The following GRM3 variants were observed in gnomAD, a reference collection of about 807,000 sequenced individuals.
The protein encoded by GRM3 is metabotropic glutamate receptor 3.
GRM3 carries 26 observed loss-of-function variants against 70.5 expected under a neutral mutation model. That is an observed-to-expected ratio of 0.37 (90% CI 0.27 to 0.51). GRM3 has a LOEUF of 0.51. Among genes scored for constraint, GRM3 ranks in the 20% least tolerant of loss-of-function variants. The pLI, the probability that GRM3 is intolerant of heterozygous loss-of-function variation, is 0.93. For missense variants in GRM3, 859 were observed against 1,123.8 expected (o/e 0.76, Z 3.37); for synonymous variants, 443 against 434.9 (o/e 1.02, Z -0.23).
chr7:86,787,144 T>C (rs577974174), intron 3 of GRM3, 28 bp downstream of exon 3: 2 of 1,554,494 alleles, frequency 1.3e-6, no homozygotes, highest in South Asian at 1.1e-5. Flanking sequence ...AAACATCTTC[T>C]CAGATGCAAA....
chr7:86,694,801 C>T (rs1017560572), intron 1 of GRM3, among the ~76,000 whole-genome samples: 7 of 152,072 alleles, frequency 4.6e-5, no homozygotes, highest in African/African-American at 9.7e-5. Context: ...GCCAAGACAG[C>T]GCTTATTGTT....
intron 1 of GRM3, among the ~76,000 whole-genome samples, chr7:86,695,396 A>G (rs1228259154): frequency 2.0e-5 from 3 of 152,170 alleles, no homozygotes; most frequent in African/African-American, 4.8e-5. Context: ...TCGAATATAT[A>G]TATTTCTTAT....
chr7:86,786,724 A>G lies in GRM3; in HGVS notation c.932A>G (p.Lys311Arg). The G allele has an allele frequency of 6.2e-7, 1 of 1,613,326 alleles. No individual in the cohort carries two copies. Among genetic ancestry groups the G allele is most frequent in the Non-Finnish European group, 8.5e-7 (1 of 1,180,010 alleles). Residue 311 changes from lysine to arginine, a missense_variant, in exon 3 of 6, where the codon AAG becomes AGG. Lys to Arg is a conservative substitution (Grantham distance 26). Transcript: ENST00000361669. The surrounding 1 kb of genome is among the most constrained non-coding windows in gnomAD (Gnocchi z 6.0). ...TGGGGCGCGCAGGAGAGCATCATCA[A>G]GGGCAGCGAGCATGTGGCCTACGGC... The part of the protein sequence containing the change: ...DGWGAQESII[K>R]GSEHVAYGAI...
chr7:86,723,483 T>C (rs2189813), intron 1 of GRM3, among the ~76,000 whole-genome samples: 53,942 of 152,010 alleles, frequency 0.35, 10,808 homozygotes, highest in African/African-American at 0.55. Flanking sequence ...AAGAATTAAA[T>C]TGATGGTAAG....
chr7:86,697,236 C>T (rs992401419), intron 1 of GRM3, among the ~76,000 whole-genome samples: 17 of 149,830 alleles, frequency 1.1e-4, no homozygotes, highest in African/African-American at 3.7e-4. Flanking sequence ...AAGTTGAGAA[C>T]ATCTTGAAGA....
chr7:86,831,107 G>GCCA (rs892922083), intron 3 of GRM3, among the ~76,000 whole-genome samples: 1 of 152,158 alleles, frequency 6.6e-6, no homozygotes, highest in Non-Finnish European at 1.5e-5. Context: ...GTCATCTCAA[G>GCCA]CCACTCAGTT....
chr7:86,683,333 G>A (rs1273138290), intron 1 of GRM3, among the ~76,000 whole-genome samples: 2 of 152,144 alleles, frequency 1.3e-5, no homozygotes, highest in African/African-American at 2.4e-5. Flanking sequence ...TGGAGCAGAG[G>A]AAATAACAAG....
At chr7:86,704,746 T>C (rs1472571418) in intron 1 of GRM3, among the ~76,000 whole-genome samples, 2 of 152,038 alleles carry the variant, frequency 1.3e-5, no homozygotes, top group African/African-American at 2.4e-5. Context: ...TCTGAATACA[T>C]TTACATGGAA....
At chr7:86,793,169 C>T (rs1169438559) in intron 3 of GRM3, among the ~76,000 whole-genome samples, 1 of 152,002 alleles carries the variant, frequency 6.6e-6, no homozygotes, top group African/African-American at 2.4e-5. Context: ...GGTAGTCCAG[C>T]CTTGCCACCC....
Position 86,799,095 on chromosome 7 carries a change from AT to A in GRM3, c.1324+11986del, listed in dbSNP as rs534697403. 7.6e-4 allele frequency among the ~76,000 whole-genome samples: 116 copies of A among 151,880 alleles called. No homozygotes were observed. In the Middle Eastern group the frequency reaches 0.021, roughly 27 times the overall value. Reference sequence around the variant, plus strand: ...TCCTTTGTTAGCTGTATTCCTAGGTATTTTTTTCTCTTACTAGCAATTGTGA... The same window carrying A: ...TCCTTTGTTAGCTGTATTCCTAGGTATTTTTTCTCTTACTAGCAATTGTGA... On this transcript the variant is annotated intron_variant, in intron 3 of 5. Coordinates refer to ENST00000361669, the MANE Select transcript of GRM3 (RefSeq NM_000840.3).
chr7:86,728,253 A>T (rs1417210550), intron 1 of GRM3, among the ~76,000 whole-genome samples: 1 of 152,206 alleles, frequency 6.6e-6, no homozygotes, highest in Non-Finnish European at 1.5e-5. Flanking sequence ...TAGAATTAAG[A>T]CAACAATGTA....
chr7:86,650,970 C>T (rs1354108631), intron 1 of GRM3, among the ~76,000 whole-genome samples: 1 of 152,112 alleles, frequency 6.6e-6, no homozygotes, highest in Non-Finnish European at 1.5e-5. Flanking sequence ...TTTTACACAT[C>T]GGGACATTTA....
At chr7:86,792,905 C>A (rs997822413) in intron 3 of GRM3, among the ~76,000 whole-genome samples, 10 of 152,066 alleles carry the variant, frequency 6.6e-5, no homozygotes, top group African/African-American at 2.4e-4. Context: ...AGGACAATTC[C>A]CTGTTACTGA....
intron 1 of GRM3, among the ~76,000 whole-genome samples, chr7:86,686,174 T>C (rs748339639): frequency 2.0e-5 from 3 of 152,104 alleles, no homozygotes; most frequent in Non-Finnish European, 4.4e-5. Flanking sequence ...AGCAGCAAAT[T>C]AAGCGGCTAT....
At chr7:86,741,666 T>G (rs1378581648) in intron 1 of GRM3, among the ~76,000 whole-genome samples, 1 of 152,148 alleles carries the variant, frequency 6.6e-6, no homozygotes, top group Non-Finnish European at 1.5e-5. Flanking sequence ...TTATCAGATG[T>G]TTCCAAAATT....
chr7:86,681,582 C>T (rs901294245), intron 1 of GRM3, among the ~76,000 whole-genome samples: 4 of 151,878 alleles, frequency 2.6e-5, no homozygotes, highest in African/African-American at 4.8e-5. Context: ...GGGGGTGAGG[C>T]GGGGTGTGGA....
rs1793414303 is a variant in GRM3, at chr7:86,644,805, G to C, written c.-208G>C. ...GGACCAACCATGAGCCAGAGCCCGGGTGCAGGCTCACCGCCGCCGCTGCCA... is the reference window on the plus strand; with the variant it reads ...GGACCAACCATGAGCCAGAGCCCGGCTGCAGGCTCACCGCCGCCGCTGCCA... On this transcript the variant is annotated 5_prime_UTR_variant, in exon 1 of 6. Coordinates refer to ENST00000361669, the MANE Select transcript of GRM3 (RefSeq NM_000840.3). The C allele has an allele frequency of 7.8e-7, 1 of 1,289,716 alleles. No homozygotes were observed. Among genetic ancestry groups the C allele is most frequent in the Non-Finnish European group, 1.0e-6 (1 of 988,760 alleles). 79.9% of individuals were successfully genotyped at this position (1,289,716 alleles called of 1,614,324 possible). A position where few individuals can be genotyped will look rare whatever the true frequency, so the allele number is the denominator to read the frequency against.
At chr7:86,726,105 G>C (rs532565908) in intron 1 of GRM3, among the ~76,000 whole-genome samples, 1 of 152,232 alleles carries the variant, frequency 6.6e-6, no homozygotes, top group South Asian at 2.1e-4. Flanking sequence ...TCTTTGCCTG[G>C]CAAAAACTAT....
chr7:86,785,685 ATTTTTTTTTT>A lies in GRM3; in HGVS notation c.469-552_469-543del, dbSNP rs749456155. Among the ~76,000 whole-genome samples the A allele has an allele frequency of 5.2e-3, 342 of 65,178 alleles. 2 individuals carry two copies. The highest frequency in any genetic ancestry group is 0.028 in the Middle Eastern group (2 of 72). 42.8% of individuals were successfully genotyped at this position (65,178 alleles called of 152,430 possible). The stretch of plus-strand genomic sequence containing the variant: ...TTGGGTGGTGGACTAAATAGAATTG[ATTTTTTTTTT>A]TTTTTTTTTTTTTTTTTTTTTTTGC... On this transcript the variant is annotated intron_variant, in intron 2 of 5. Coordinates refer to ENST00000361669, the MANE Select transcript of GRM3 (RefSeq NM_000840.3).
Sources: allele counts gnomAD v4.1 joint callset (sites outside exome capture counted in the v4.1 genomes callset), GRCh38; gene constraint gnomAD v4.1.1; non-coding constraint Gnocchi (gnomAD v3.1); transcripts MANE v1.5; gene names NCBI Gene and HGNC (gene_info 2026-07-23, HGNC 2026-07-21).